SCG5: variants seen among roughly 807,000 people sequenced by gnomAD.
SCG5 encodes neuroendocrine protein 7B2.
Under a neutral mutation model 25.7 loss-of-function variants are expected in SCG5, and 18 were observed. The observed-to-expected ratio is 0.70, with a 90% CI of 0.48 to 1.04. The LOEUF (loss-of-function observed/expected upper bound fraction) is 1.04, where lower values mean the gene tolerates loss of function less well. Ranked by LOEUF, SCG5 falls within the 50% of genes least tolerant of loss-of-function variation. The pLI is 0.00. For missense variants in SCG5, 206 were observed against 259.8 expected (o/e 0.79, Z 1.42); for synonymous variants, 101 against 91.7 (o/e 1.10, Z -0.58).
chr15:32,676,163 T>A (rs1435043536), intron 2 of SCG5, among the ~76,000 whole-genome samples: 1 of 152,238 alleles, frequency 6.6e-6, no homozygotes, highest in Non-Finnish European at 1.5e-5. Flanking sequence ...ATTTTTTACT[T>A]CTGCATATCT....
At chr15:32,643,295 C>G (rs1428108616) in intron 1 of SCG5, among the ~76,000 whole-genome samples, 1 of 152,126 alleles carries the variant, frequency 6.6e-6, no homozygotes, top group Non-Finnish European at 1.5e-5. Flanking sequence ...TTTCAGGGAG[C>G]TACAAGGAGG....
chr15:32,651,746 G>A (rs1270506197), intron 2 of SCG5, among the ~76,000 whole-genome samples: 1 of 152,216 alleles, frequency 6.6e-6, no homozygotes, highest in African/African-American at 2.4e-5. Context: ...CAATTGCATG[G>A]ATAGTAATGA....
intron 5 of SCG5, among the ~76,000 whole-genome samples, chr15:32,694,323 A>G (rs1455144744): frequency 6.6e-6 from 1 of 152,184 alleles, no homozygotes; most frequent in Non-Finnish European, 1.5e-5. Context: ...CAAAGTTGCA[A>G]CCAAGCCCCA....
At position 32,661,688 on chromosome 15, in the gene SCG5, A is replaced by G. The variant is rs141782673; in HGVS notation, c.226+17870A>G. Among the ~76,000 whole-genome samples the G allele has an allele frequency of 6.4e-3, 973 of 152,178 alleles. 6 individuals carry two copies. The highest frequency in any genetic ancestry group is 0.017 in the Middle Eastern group (5 of 294). ...AATGTCCTCTGAGGGTCAAAATCAG[A>G]CCCGCTGTGGAGACCCATGGCTCTA... On this transcript the variant is annotated intron_variant, in intron 2 of 5. Transcript: ENST00000300175.
chr15:32,657,213 G>GTATATATATATATATATATATA (rs2054136011), intron 2 of SCG5, among the ~76,000 whole-genome samples: 2 of 16,302 alleles, frequency 1.2e-4, no homozygotes, highest in African/African-American at 3.1e-4. Context: ...ATATATATAT[G>GTATATATATATATATATATATA]TATGTATTTC....
chr15:32,643,481 T>G, intron 1 of SCG5, 105 bp from the exon 2 acceptor site: 1 of 854,930 alleles, frequency 1.2e-6, no homozygotes, highest in Non-Finnish European at 1.9e-6. Context: ...AACCCCTTTC[T>G]GGGTGGTCCT....
chr15:32,690,931 C>A (rs1380284182), intron 4 of SCG5, among the ~76,000 whole-genome samples: 2 of 151,562 alleles, frequency 1.3e-5, no homozygotes, highest in Non-Finnish European at 1.5e-5. Flanking sequence ...AGCCCCCCCC[C>A]ACCGCCACCA....
In SCG5 at chr15:32,690,683, A is replaced by G. The variant is rs547292847; in HGVS notation, c.490-1027A>G. 2.5e-4 allele frequency among the ~76,000 whole-genome samples: 38 copies of G among 152,298 alleles called. No individual in the cohort carries two copies. The East Asian group carries it at 6.8e-3, about 27-fold the overall frequency. On this transcript the variant is annotated intron_variant, in intron 4 of 5. Coordinates refer to ENST00000300175, the MANE Select transcript of SCG5 (RefSeq NM_001144757.3). ...ATGAACGTGAAAAATGATGAAGCTC[A>G]TTCTTGGCATTTGTCATTTTCAATT...
chr15:32,683,592 C>T (rs933920602), intron 3 of SCG5, among the ~76,000 whole-genome samples: 7 of 152,126 alleles, frequency 4.6e-5, no homozygotes, highest in African/African-American at 1.4e-4. Context: ...TATTATGTGC[C>T]GGGTGTTCTA....
chr15:32,663,103 C>A (rs2054264187), intron 2 of SCG5, among the ~76,000 whole-genome samples: 1 of 136,112 alleles, frequency 7.3e-6, no homozygotes, highest in African/African-American at 2.7e-5. Flanking sequence ...TATATATACA[C>A]ATATGTATAC....
intron 4 of SCG5, among the ~76,000 whole-genome samples, chr15:32,686,439 A>G (rs1218961821): frequency 2.0e-5 from 3 of 152,216 alleles, no homozygotes; most frequent in Non-Finnish European, 2.9e-5. Flanking sequence ...TTAAAGGGGG[A>G]AAAACTAACT....
At chr15:32,655,653 CT>C (rs1420413899) in intron 2 of SCG5, among the ~76,000 whole-genome samples, 1 of 152,048 alleles carries the variant, frequency 6.6e-6, no homozygotes, top group African/African-American at 2.4e-5. Flanking sequence ...AAGATAGGGT[CT>C]TTGGGGGTGA....
At chr15:32,652,490 G>T (rs542289506) in intron 2 of SCG5, among the ~76,000 whole-genome samples, 1 of 152,168 alleles carries the variant, frequency 6.6e-6, no homozygotes, top group East Asian at 1.9e-4. Flanking sequence ...AGCAGAGAGG[G>T]AGAGTTGAAG....
intron 2 of SCG5, among the ~76,000 whole-genome samples, chr15:32,675,697 A>G (rs1460236972): frequency 6.6e-6 from 1 of 152,192 alleles, no homozygotes; most frequent in Non-Finnish European, 1.5e-5. Flanking sequence ...GATCTGGGCT[A>G]GATACTTCTC....
intron 2 of SCG5, among the ~76,000 whole-genome samples, chr15:32,674,230 C>T (rs896346094): frequency 1.3e-5 from 2 of 152,164 alleles, no homozygotes; most frequent in African/African-American, 4.8e-5. Flanking sequence ...TAAACCGATG[C>T]TTCAGTGATC....
At chr15:32,684,788 C>G (rs2054675885) in intron 4 of SCG5, 119 bp downstream of exon 4, 2 of 666,812 alleles carry the variant, frequency 3.0e-6, no homozygotes, top group Non-Finnish European at 5.2e-6. Flanking sequence ...GCTAATTTTT[C>G]AGAAATCTCT....
intron 2 of SCG5, among the ~76,000 whole-genome samples, chr15:32,652,148 G>A (rs915584379): frequency 3.9e-5 from 6 of 152,192 alleles, no homozygotes; most frequent in Non-Finnish European, 8.8e-5. Context: ...GTCAGGATCA[G>A]CAGAGAGGTC....
At chr15:32,663,462 A>G (rs946916810) in intron 2 of SCG5, among the ~76,000 whole-genome samples, 2 of 152,150 alleles carry the variant, frequency 1.3e-5, no homozygotes, top group African/African-American at 4.8e-5. Flanking sequence ...AGCCAATGCT[A>G]TACCAGCTTG....
At chr15:32,657,199 G>GTGTGTATATATGTA (rs2054131495) in intron 2 of SCG5, among the ~76,000 whole-genome samples, 1 of 6,674 alleles carries the variant, frequency 1.5e-4, no homozygotes, top group African/African-American at 5.1e-4. Flanking sequence ...TCATCCTCCT[G>GTGTGTATATATGTA]TATATATATA....
Sources: allele counts gnomAD v4.1 joint callset (sites outside exome capture counted in the v4.1 genomes callset), GRCh38; gene constraint gnomAD v4.1.1; transcripts MANE v1.5; gene names NCBI Gene and HGNC (gene_info 2026-07-23, HGNC 2026-07-21).